Variants in ENOX1 observed in about 807,000 individuals in gnomAD.
The protein encoded by ENOX1 is ecto-NOX disulfide-thiol exchanger 1, also known as candidate growth-related and time keeping constitutive hydroquinone (NADH) oxidase.
ENOX1 carries 42 observed loss-of-function variants against 82.5 expected under a neutral mutation model. That is an observed-to-expected ratio of 0.51 (90% CI 0.40 to 0.66). ENOX1 has a LOEUF of 0.66. Ranked by LOEUF, ENOX1 falls within the 30% of genes least tolerant of loss-of-function variation. ENOX1 has a pLI of 0.00. For synonymous variants in ENOX1, 271 were observed against 282.2 expected (o/e 0.96, Z 0.40); for missense variants, 608 against 811.6 (o/e 0.75, Z 3.05).
At chr13:43,751,649 C>A (rs9533606) in intron 1 of ENOX1, among the ~76,000 whole-genome samples, 5,219 of 152,122 alleles carry the variant, frequency 0.034, 113 homozygotes, top group Non-Finnish European at 0.049. Context: ...TTTATTTTTG[C>A]CTTGCTTCTT....
intron 2 of ENOX1, among the ~76,000 whole-genome samples, chr13:43,612,054 T>C (rs1057200405): frequency 1.3e-5 from 2 of 152,222 alleles, no homozygotes; most frequent in African/African-American, 2.4e-5. Context: ...TGAATGTTAA[T>C]AGCATATTAT....
intron 1 of ENOX1, among the ~76,000 whole-genome samples, chr13:43,757,051 T>C (rs1056956302): frequency 1.3e-5 from 2 of 149,560 alleles, no homozygotes; most frequent in Admixed American, 6.7e-5. Flanking sequence ...CATAGACATA[T>C]AATATTGATT....
chr13:43,414,232 G>A (rs995393240), intron 3 of ENOX1, among the ~76,000 whole-genome samples: 1 of 152,112 alleles, frequency 6.6e-6, no homozygotes, highest in African/African-American at 2.4e-5. Flanking sequence ...AACAACAGGT[G>A]AATAATGAGC....
chr13:43,678,526 C>A (rs1382598793), intron 1 of ENOX1, among the ~76,000 whole-genome samples: 1 of 152,162 alleles, frequency 6.6e-6, no homozygotes, highest in African/African-American at 2.4e-5. Context: ...AAGTTACACT[C>A]CATGTCAGCT....
At chr13:43,778,019 A>C (rs1209810562) in intron 1 of ENOX1, among the ~76,000 whole-genome samples, 1 of 152,196 alleles carries the variant, frequency 6.6e-6, no homozygotes, top group Non-Finnish European at 1.5e-5. Flanking sequence ...AAGCCCAGTA[A>C]GCTCTTTGCT....
chr13:43,688,708 C>T (rs184200451), intron 1 of ENOX1, among the ~76,000 whole-genome samples: 7 of 152,248 alleles, frequency 4.6e-5, no homozygotes, highest in African/African-American at 1.7e-4. Flanking sequence ...AGTATGTGAA[C>T]TCAGCGTCTG....
At chr13:43,515,737 A>C (rs1332000033) in intron 2 of ENOX1, among the ~76,000 whole-genome samples, 2 of 152,190 alleles carry the variant, frequency 1.3e-5, no homozygotes, top group African/African-American at 4.8e-5. Context: ...ACAGTCACTG[A>C]AAAGTGCTGG....
Position 43,586,298 on chromosome 13 carries a change from T to C in ENOX1, c.-219+81181A>G, listed in dbSNP as rs1280375891. ...AGAATGAAAATCACCTTTCTTTACC[T>C]GATAAAATATCTTTCACAGTTTGAC... On this transcript the variant is annotated intron_variant, in intron 2 of 16. Transcript: ENST00000690772. Among the ~76,000 whole-genome samples, 4 of 152,254 alleles carry C rather than the reference T, an allele frequency of 2.6e-5. No homozygotes were observed. The East Asian group carries it at 7.7e-4, about 29-fold the overall frequency.
At chr13:43,364,215 G>C (rs919814686) in intron 5 of ENOX1, among the ~76,000 whole-genome samples, 2 of 152,186 alleles carry the variant, frequency 1.3e-5, no homozygotes, top group East Asian at 1.9e-4. Flanking sequence ...ACAAACACAG[G>C]AAGACAAAGG....
At chr13:43,356,252 T>G in intron 7 of ENOX1, 100 bp from the exon 8 acceptor site, 1 of 984,074 alleles carries the variant, frequency 1.0e-6, no homozygotes, top group African/African-American at 1.6e-5. Context: ...CACTTATTTC[T>G]TGGCTGTCAC....
rs185259886 is a variant in ENOX1 at position 43,620,226 on chromosome 13, T to A, written c.-219+47253A>T. Among the ~76,000 whole-genome samples the A allele has an allele frequency of 2.0e-5, 3 of 152,158 alleles. No homozygotes were observed. The East Asian group carries it at 5.8e-4, about 29-fold the overall frequency. ...CTTTTTTTTCCTTTATCTTTTATAT[T>A]TTTTTGGTTTCTATTTCATTTAATT... On this transcript the variant is annotated intron_variant, in intron 2 of 16. Transcript: ENST00000690772.
intron 1 of ENOX1, among the ~76,000 whole-genome samples, chr13:43,687,181 A>C (rs55927868): frequency 0.021 from 3,213 of 152,096 alleles, 129 homozygotes; most frequent in African/African-American, 0.074. Flanking sequence ...TTCCCTTACC[A>C]TTTGTATTCC....
At chr13:43,447,573 G>A (rs1205771584) in intron 3 of ENOX1, among the ~76,000 whole-genome samples, 1 of 151,810 alleles carries the variant, frequency 6.6e-6, no homozygotes, top group African/African-American at 2.4e-5. Flanking sequence ...TATCCAGAAT[G>A]CAGGAGATCT....
chr13:43,702,381 A>G (rs1176308876), intron 1 of ENOX1, among the ~76,000 whole-genome samples: 4 of 152,208 alleles, frequency 2.6e-5, no homozygotes, highest in Non-Finnish European at 4.4e-5. Context: ...CTGATTGAAG[A>G]ATATAGCTTT....
At chr13:43,239,995 G>A (rs774238455) in intron 14 of ENOX1, among the ~76,000 whole-genome samples, 8 of 152,156 alleles carry the variant, frequency 5.3e-5, no homozygotes, top group Non-Finnish European at 1.0e-4. Context: ...CTACAAAGTA[G>A]ATATAAGCAA....
chr13:43,564,628 T>C (rs1234342085), intron 2 of ENOX1, among the ~76,000 whole-genome samples: 1 of 152,130 alleles, frequency 6.6e-6, no homozygotes, highest in Non-Finnish European at 1.5e-5. Flanking sequence ...GAGGATTACT[T>C]TAAAAATGCA....
At position 43,642,550 on chromosome 13, in the gene ENOX1, CA is replaced by C. The variant is rs527732809; in HGVS notation, c.-219+24928del. ...GTCACTGACACTAAGGTCATTTCAA[CA>C]AAAAGGATTTTCAAAGTAACAGAAG... On this transcript the variant is annotated intron_variant, in intron 2 of 16. Coordinates refer to ENST00000690772, the MANE Select transcript of ENOX1 (RefSeq NM_001347969.2). Among the ~76,000 whole-genome samples, 426 of 152,252 alleles carry C rather than the reference CA, an allele frequency of 2.8e-3. 5 individuals are homozygous for C. The highest frequency in any genetic ancestry group is 1.9e-3 in the East Asian group (10 of 5,186).
At chr13:43,694,337 T>C (rs1014881626) in intron 1 of ENOX1, among the ~76,000 whole-genome samples, 7 of 152,160 alleles carry the variant, frequency 4.6e-5, no homozygotes, top group African/African-American at 1.7e-4. Context: ...CTTCTTATGT[T>C]CAAAAGTAAC....
chr13:43,751,702 A>C (rs983039529), intron 1 of ENOX1, among the ~76,000 whole-genome samples: 5 of 152,166 alleles, frequency 3.3e-5, no homozygotes, highest in African/African-American at 9.7e-5. Context: ...CAGTGTATGA[A>C]TCAACAGTTC....
Sources: gnomAD v4.1 joint callset for allele counts (sites outside exome capture counted in the v4.1 genomes callset) on GRCh38, gnomAD v4.1.1 for gene constraint, MANE v1.5 for transcripts, NCBI Gene and HGNC (gene_info 2026-07-23, HGNC 2026-07-21) for gene names.